Variants in C2orf80 observed in about 807,000 individuals in gnomAD.
The protein encoded by C2orf80 is uncharacterized protein C2orf80.
C2orf80 carries 28 observed loss-of-function variants against 30.2 expected under a neutral mutation model. The ratio of observed to expected loss-of-function variants is 0.93; its 90% CI spans 0.69 to 1.27. C2orf80 has a LOEUF of 1.27. Among genes scored for constraint, C2orf80 ranks in the 50% most tolerant of loss-of-function variants. The probability of loss-of-function intolerance (pLI) is 0.00; values close to 1 mark genes in which losing one functional copy is unlikely to be tolerated. For synonymous variants in C2orf80, 80 were observed against 76.4 expected (o/e 1.05, Z -0.24); for missense variants, 220 against 231.0 (o/e 0.95, Z 0.31).
At chr2:208,174,649 G>C (rs923731687) in intron 6 of C2orf80, among the ~76,000 whole-genome samples, 1 of 152,242 alleles carries the variant, frequency 6.6e-6, no homozygotes, top group Non-Finnish European at 1.5e-5. Flanking sequence ...GGGAATCAGA[G>C]AGAAATAACT....
intron 6 of C2orf80, among the ~76,000 whole-genome samples, chr2:208,173,044 A>C (rs1696152973): frequency 6.9e-6 from 1 of 145,150 alleles, no homozygotes; most frequent in Non-Finnish European, 1.5e-5. Context: ...GCTTGAACCC[A>C]GGAGGCAGAG....
chr2:208,185,808 G>T (rs546462956), intron 2 of C2orf80, among the ~76,000 whole-genome samples: 65 of 152,184 alleles, frequency 4.3e-4, no homozygotes, highest in African/African-American at 1.4e-3. Flanking sequence ...AATTTCTGCC[G>T]AAATTTCAGG....
intron 6 of C2orf80, among the ~76,000 whole-genome samples, chr2:208,179,703 CTTT>C (rs76655685): frequency 2.7e-5 from 4 of 146,914 alleles, no homozygotes; most frequent in African/African-American, 2.6e-5. Flanking sequence ...TCAGAACACC[CTTT>C]TTTTTTTTTT....
At position 208,176,930 on chromosome 2, in the gene C2orf80, T is replaced by TGTGTACATATCC. The variant is rs1696336470; in HGVS notation, c.366+3814_366+3815insGGATATGTACAC. ...CTGTGTATACATATCTGTATACATATGTATACATATCTGTATACATATCTG... is the reference window on the plus strand; with the variant it reads ...CTGTGTATACATATCTGTATACATATGTGTACATATCCGTATACATATCTGTATACATATCTG... On this transcript the variant is annotated intron_variant, in intron 6 of 8. Transcript: ENST00000341287. Among the ~76,000 whole-genome samples, 2 of 56,792 alleles carry TGTGTACATATCC rather than the reference T, an allele frequency of 3.5e-5. 1 individual carries two copies. The highest frequency in any genetic ancestry group is 8.0e-5 in the Non-Finnish European group (2 of 24,984). 37.3% of individuals were successfully genotyped at this position (56,792 alleles called of 152,430 possible). A position where few individuals can be genotyped will look rare whatever the true frequency, so the allele number is the denominator to read the frequency against.
rs753803888 is a variant in C2orf80, at chr2:208,172,055, G to T, written c.387C>A (p.Leu129=). Residue 129 remains leucine, a synonymous_variant, in exon 7 of 9, where the codon CTC becomes CTA. Coordinates refer to ENST00000341287, the MANE Select transcript of C2orf80 (RefSeq NM_001099334.3). The stretch of plus-strand genomic sequence containing the variant: ...TGGCAAAGGGGTGCAAGGAGAGGCA[G>T]AGAGATGAAACTCGGGGAACCTGAA... ...GTIKVPRVSS[L]CLSLHPFAML... 1 of 1,613,740 alleles carries T rather than the reference G, an allele frequency of 6.2e-7. No individual in the cohort carries two copies. Among genetic ancestry groups the T allele is most frequent in the Non-Finnish European group, 8.5e-7 (1 of 1,179,698 alleles).
intron 6 of C2orf80, among the ~76,000 whole-genome samples, chr2:208,179,982 T>C (rs1408512504): frequency 6.6e-6 from 1 of 152,038 alleles, no homozygotes; most frequent in Non-Finnish European, 1.5e-5. Context: ...TTAAAAAATG[T>C]AGTAGTGTTG....
intron 8 of C2orf80, among the ~76,000 whole-genome samples, chr2:208,170,704 A>T (rs1696070373): frequency 6.6e-6 from 1 of 152,186 alleles, no homozygotes; most frequent in African/African-American, 2.4e-5. Flanking sequence ...GAATAATCTC[A>T]GTTAATCACC....
At chr2:208,180,252 C>T (rs566664411) in intron 6 of C2orf80, among the ~76,000 whole-genome samples, 1 of 152,140 alleles carries the variant, frequency 6.6e-6, no homozygotes, top group African/African-American at 2.4e-5. Context: ...GAGTTTGAGA[C>T]CAGCCTGGTC....
chr2:208,179,882 AC>A (rs1277184200), intron 6 of C2orf80, among the ~76,000 whole-genome samples: 1 of 152,082 alleles, frequency 6.6e-6, no homozygotes, highest in African/African-American at 2.4e-5. Context: ...TGGAGCTCAC[AC>A]CTATAGTCCA....
chr2:208,177,714 C>T (rs563159755), intron 6 of C2orf80, among the ~76,000 whole-genome samples: 96 of 152,214 alleles, frequency 6.3e-4, no homozygotes, highest in African/African-American at 2.3e-3. Flanking sequence ...TGAACAAAGG[C>T]TCTTTAATGA....
chr2:208,178,582 A>G (rs1696441932), intron 6 of C2orf80, among the ~76,000 whole-genome samples: 1 of 152,130 alleles, frequency 6.6e-6, no homozygotes, highest in African/African-American at 2.4e-5. Flanking sequence ...TATATCTCAA[A>G]CAAGGTAAGC....
chr2:208,180,018 A>G (rs1189701075), intron 6 of C2orf80, among the ~76,000 whole-genome samples: 1 of 152,192 alleles, frequency 6.6e-6, no homozygotes, highest in African/African-American at 2.4e-5. Context: ...TATCAGCAGT[A>G]AACTAGGGAA....
At chr2:208,171,855 C>A (rs759621240) in intron 7 of C2orf80, 133 bp downstream of exon 7, 1 of 817,018 alleles carries the variant, frequency 1.2e-6, no homozygotes, top group South Asian at 1.4e-5. Flanking sequence ...CTAAGAGCCC[C>A]TGGTTCTTTT....
intron 1 of C2orf80, among the ~76,000 whole-genome samples, chr2:208,189,461 T>C (rs1456768066): frequency 6.6e-6 from 1 of 152,228 alleles, no homozygotes; most frequent in Non-Finnish European, 1.5e-5. Context: ...ACCAACTAGC[T>C]GTGCACCTTG....
chr2:208,170,773 G>A (rs999466292), intron 8 of C2orf80, among the ~76,000 whole-genome samples, 172 bp downstream of exon 8: 2 of 152,250 alleles, frequency 1.3e-5, no homozygotes, highest in Non-Finnish European at 2.9e-5. Flanking sequence ...AGGAAACTAA[G>A]GCACAGAGAG....
chr2:208,180,608 TTA>T, intron 6 of C2orf80, 135 bp downstream of exon 6: 1 of 651,012 alleles, frequency 1.5e-6, no homozygotes. Context: ...TAAGAAATGG[TTA>T]TGTCTGGTTT....
At chr2:208,178,650 A>T (rs1696444693) in intron 6 of C2orf80, among the ~76,000 whole-genome samples, 1 of 152,100 alleles carries the variant, frequency 6.6e-6, no homozygotes, top group African/African-American at 2.4e-5. Context: ...GTGGTGATGC[A>T]TGCCTGTAAT....
At chr2:208,176,810 C>T (rs1696312437) in intron 6 of C2orf80, among the ~76,000 whole-genome samples, 1 of 119,358 alleles carries the variant, frequency 8.4e-6, no homozygotes, top group African/African-American at 2.9e-5. Flanking sequence ...CTTTGGAATC[C>T]TAGTGCTTAA....
rs754953043 is a variant in C2orf80 at position 208,180,789 on chromosome 2, T to A, written c.322A>T (p.Lys108Ter). ...GCAGAAGAATCAGCCCCATAAATTT[T>A]AAAGACTTCCTCAATCGGGATACTG... ...MNSIPIEEVF[K>*]IYGADSSADS... The change falls in exon 6 of 9, where the codon AAA (lysine) becomes TAA (stop). Residue 108 changes from lysine to a stop codon, truncating the protein, a stop_gained. Coordinates refer to ENST00000341287, the MANE Select transcript of C2orf80 (RefSeq NM_001099334.3). LOFTEE classifies it high-confidence loss of function. 5.0e-6 allele frequency: 8 copies of A among 1,613,720 alleles called. No individual in the cohort carries two copies. In the South Asian group the frequency reaches 8.8e-5, roughly 18 times the overall value.
Sources: allele counts gnomAD v4.1 joint callset (sites outside exome capture counted in the v4.1 genomes callset), GRCh38; gene constraint gnomAD v4.1.1; transcripts MANE v1.5; gene names NCBI Gene and HGNC (gene_info 2026-07-23, HGNC 2026-07-21).